METTL6: variants seen among roughly 807,000 people sequenced by gnomAD.
The protein encoded by METTL6 is tRNA N(3)-cytidine methyltransferase METTL6.
A neutral mutation model predicts 26.4 loss-of-function variants in METTL6; 22 were observed. The observed-to-expected ratio is 0.83, with a 90% CI of 0.59 to 1.19. METTL6 has a LOEUF of 1.19. Ranked by LOEUF, METTL6 falls within the 50% of genes most tolerant of loss-of-function variation. The pLI is 0.00. For synonymous variants in METTL6, 109 were observed against 116.2 expected (o/e 0.94, Z 0.40); for missense variants, 304 against 324.8 (o/e 0.94, Z 0.49).
downstream of METTL6, among the ~76,000 whole-genome samples, chr3:15,408,247 C>T (rs1559486566): frequency 6.6e-6 from 1 of 152,076 alleles, no homozygotes; most frequent in Non-Finnish European, 1.5e-5. Context: ...TTCTGGGGTG[C>T]CAGTCATGCT....
chr3:15,383,607 T>G (rs985272458), exon 7 of METTL6: 1 of 152,308 alleles, frequency 6.6e-6, no homozygotes, highest in East Asian at 1.9e-4. Context: ...GAGTGTGATA[T>G]GCTAATTAGC....
chr3:15,389,180 T>C (rs1011516544), intron 6 of METTL6, among the ~76,000 whole-genome samples: 5 of 151,872 alleles, frequency 3.3e-5, no homozygotes, highest in Non-Finnish European at 7.4e-5. Context: ...AAGTTTTTTG[T>C]TGTAGGTTGT....
intron 6 of METTL6, among the ~76,000 whole-genome samples, chr3:15,400,109 A>T (rs1699599509): frequency 6.6e-6 from 1 of 152,134 alleles, no homozygotes; most frequent in African/African-American, 2.4e-5. Flanking sequence ...AGATTACCAC[A>T]GGCGGCCACC....
At chr3:15,392,977 C>T (rs975527181) in intron 6 of METTL6, among the ~76,000 whole-genome samples, 3 of 152,148 alleles carry the variant, frequency 2.0e-5, no homozygotes, top group African/African-American at 4.8e-5. Context: ...CTTGGCAATG[C>T]GGGCTCTTTT....
intron 5 of METTL6, among the ~76,000 whole-genome samples, chr3:15,411,876 C>T (rs1699983101): frequency 6.6e-6 from 1 of 152,022 alleles, no homozygotes; most frequent in Admixed American, 6.6e-5. Flanking sequence ...GATTCTCCTG[C>T]CTCAGCCTCT....
intron 4 of METTL6, chr3:15,415,552 G>T (rs778396189): frequency 1.3e-6 from 2 of 1,599,984 alleles, no homozygotes; most frequent in African/African-American, 2.7e-5. Context: ...CTTGTCCCAG[G>T]GCTGGCGAAG....
chr3:15,414,085 G>C lies in METTL6; in HGVS notation c.609C>G (p.Ser203Arg). The change falls in exon 5 of 6, where the codon AGC (serine) becomes AGG (arginine). Residue 203 changes from serine to arginine, a missense_variant. By Grantham distance (110) the Ser-to-Arg change is moderately radical. Coordinates refer to ENST00000383790, the MANE Select transcript of METTL6 (RefSeq NM_152396.4). The stretch of plus-strand genomic sequence containing the variant: ...CATAAAAGTTTTCTCCAAGTTTGCT[G>C]CTGGCTTTAAACCTAAGCATGGCAT... ...YDHAMLRFKA[S>R]SKLGENFYVR... 1 of 1,614,136 alleles carries C rather than the reference G, an allele frequency of 6.2e-7. No homozygotes were observed.
intron 6 of METTL6, among the ~76,000 whole-genome samples, chr3:15,402,737 A>G (rs1298577911): frequency 2.1e-5 from 3 of 145,608 alleles, no homozygotes; most frequent in Non-Finnish European, 4.5e-5. Context: ...TTCCATCTCA[A>G]AAAAAAAAAA....
At chr3:15,384,735 A>T (rs1699149019) in intron 6 of METTL6, among the ~76,000 whole-genome samples, 1 of 152,142 alleles carries the variant, frequency 6.6e-6, no homozygotes, top group African/African-American at 2.4e-5. Flanking sequence ...CTTCAACTCT[A>T]GAAGAATGAA....
intron 4 of METTL6, 49 bp from the exon 5 acceptor site, chr3:15,414,211 A>C (rs764741516): frequency 1.3e-6 from 2 of 1,567,448 alleles, no homozygotes; most frequent in Admixed American, 2.1e-5. Flanking sequence ...CCCTGTCAAA[A>C]TAAAACCTGA....
rs545103319 is a variant in METTL6, at chr3:15,393,576, C to G, written c.*12-9389G>C. Among the ~76,000 whole-genome samples, 157 of 152,206 alleles carry G rather than the reference C, an allele frequency of 1.0e-3. 1 individual carries two copies. The East Asian group carries it at 0.011, about 10-fold the overall frequency. On this transcript the variant is annotated intron_variant, in intron 6 of 6. Coordinates refer to the METTL6 transcript ENST00000443029. ...GAGAGGGCATCCCTGTCTTGTGCCA[C>G]TTTTCAAAGGGAATGCTTCCAGTTT...
chr3:15,408,456 C>T (rs556419529), downstream of METTL6, among the ~76,000 whole-genome samples: 3 of 151,674 alleles, frequency 2.0e-5, no homozygotes, highest in East Asian at 1.9e-4. Flanking sequence ...ATTATAAAAA[C>T]GAGGAATGTG....
At position 15,410,190 on chromosome 3, in the gene METTL6, C is replaced by T. The variant is rs1277589010; in HGVS notation, c.*1066G>A. Among the ~76,000 whole-genome samples, 1 of 152,056 alleles carries T rather than the reference C, an allele frequency of 6.6e-6. No individual in the cohort carries two copies. The highest frequency in any genetic ancestry group is 1.9e-4 in the East Asian group (1 of 5,200). ...TTAATACAAAAAGTACATAGTAGCC[C>T]CCCGTATCTGCGGGTGGTATGTTTC... On this transcript the variant is annotated 3_prime_UTR_variant, in exon 6 of 6. Coordinates refer to ENST00000383790, the MANE Select transcript of METTL6 (RefSeq NM_152396.4).
chr3:15,390,096 T>A (rs1699304019), intron 6 of METTL6, among the ~76,000 whole-genome samples: 1 of 151,932 alleles, frequency 6.6e-6, no homozygotes, highest in African/African-American at 2.4e-5. Context: ...GAGAACAGAT[T>A]GTAAATTTAT....
At chr3:15,415,348 G>C (rs1474528653) in intron 4 of METTL6, 1 of 685,004 alleles carries the variant, frequency 1.5e-6, no homozygotes, top group East Asian at 2.7e-5. Context: ...TTTTAGACAA[G>C]GTCTTGCTAT....
chr3:15,418,514 T>G (rs1323634475), intron 3 of METTL6, among the ~76,000 whole-genome samples: 1 of 151,914 alleles, frequency 6.6e-6, no homozygotes, highest in African/African-American at 2.4e-5. Context: ...AGGAAAAAAG[T>G]GGGGGAATAA....
chr3:15,402,334 G>T (rs1699669732), intron 6 of METTL6, among the ~76,000 whole-genome samples: 1 of 152,186 alleles, frequency 6.6e-6, no homozygotes, highest in Non-Finnish European at 1.5e-5. Flanking sequence ...CATTAGTTGG[G>T]TCAGAGATGA....
Position 15,426,461 on chromosome 3 carries a change from T to C in METTL6, c.51A>G (p.Glu17=), listed in dbSNP as rs779142136. 5 of 1,614,102 alleles carry C rather than the reference T, an allele frequency of 3.1e-6. No individual in the cohort carries two copies. Among genetic ancestry groups the C allele is most frequent in the East Asian group, 4.5e-5 (2 of 44,900 alleles). The change falls in exon 2 of 6, where the codon GAA becomes GAG. Residue 17 remains glutamate (E), a synonymous_variant. Coordinates refer to ENST00000383790, the MANE Select transcript of METTL6 (RefSeq NM_152396.4). ...KGLQARILTS[E]EEEKLKRDQT... ...GGTCTCTTTTCAGTTTCTCCTCTTC[T>C]TCAGAGGTGAGAATCCTTGCCTGCA... is the stretch of plus-strand genomic sequence containing the variant.
chr3:15,425,122 C>A, intron 2 of METTL6, 33 bp from the exon 3 acceptor site: 1 of 1,609,274 alleles, frequency 6.2e-7, no homozygotes, highest in South Asian at 1.1e-5. Context: ...TATAGTATAT[C>A]ACATTTGCAT....
Sources: gnomAD v4.1 joint callset for allele counts (sites outside exome capture counted in the v4.1 genomes callset) on GRCh38, gnomAD v4.1.1 for gene constraint, MANE v1.5 for transcripts, NCBI Gene and HGNC (gene_info 2026-07-23, HGNC 2026-07-21) for gene names.